The following NTM variants were observed in gnomAD, a reference collection of about 807,000 sequenced individuals.
The protein encoded by NTM is neurotrimin.
In NTM, 13 loss-of-function variants were observed where a neutral mutation model predicts 42.1. The ratio of observed to expected loss-of-function variants is 0.31; its 90% CI spans 0.20 to 0.49. The LOEUF is 0.49. NTM is among the 20% of genes least tolerant of loss of function. NTM has a pLI of 0.99. For synonymous variants in NTM, 187 were observed against 179.2 expected (o/e 1.04, Z -0.35); for missense variants, 373 against 452.8 (o/e 0.82, Z 1.60).
At chr11:131,994,648 C>T (rs1239996935) in intron 2 of NTM, among the ~76,000 whole-genome samples, 2 of 151,950 alleles carry the variant, frequency 1.3e-5, no homozygotes, top group East Asian at 3.9e-4. Flanking sequence ...GCACACTAGC[C>T]TCCTGTGGCT....
At position 131,816,655 on chromosome 11, in the gene NTM, C is replaced by T. The variant is rs1446797619; in HGVS notation, c.83-94909C>T. Among the ~76,000 whole-genome samples the T allele has an allele frequency of 2.6e-5, 4 of 152,100 alleles. No individual in the cohort carries two copies. In the East Asian group the frequency reaches 5.8e-4, roughly 22 times the overall value. ...CAAATCGTACACCTCTATAACAACC[C>T]TGCTGGATTAGAATTAGATCCCACT... On this transcript the variant is annotated intron_variant, in intron 1 of 8. Transcript: ENST00000683400.
At chr11:132,190,055 T>A (rs1469701760) in intron 3 of NTM, among the ~76,000 whole-genome samples, 1 of 152,214 alleles carries the variant, frequency 6.6e-6, no homozygotes, top group Non-Finnish European at 1.5e-5. Flanking sequence ...AGGAATAAAT[T>A]AATTCTGGCC....
At chr11:132,293,547 A>T (rs2094520725) in intron 4 of NTM, among the ~76,000 whole-genome samples, 1 of 152,154 alleles carries the variant, frequency 6.6e-6, no homozygotes, top group African/African-American at 2.4e-5. Context: ...TATATGAAAC[A>T]GCGGGTGTGA....
chr11:131,538,672 G>A (rs764768774), intron 1 of NTM: 14 of 152,206 alleles, frequency 9.2e-5, no homozygotes, highest in Admixed American at 5.2e-4. Flanking sequence ...GGATAAACAC[G>A]AAGCAGTAAG....
chr11:131,610,554 G>C (rs547638688), intron 1 of NTM, among the ~76,000 whole-genome samples: 2 of 152,194 alleles, frequency 1.3e-5, no homozygotes, highest in Non-Finnish European at 2.9e-5. Context: ...GGAGAGCTTG[G>C]TTTTAACACA....
intron 1 of NTM, among the ~76,000 whole-genome samples, chr11:131,391,588 T>C (rs1321728715): frequency 1.3e-5 from 2 of 149,408 alleles, no homozygotes; most frequent in Non-Finnish European, 3.0e-5. Context: ...TTTTTTTTTT[T>C]TTTTCTGTCC....
intron 4 of NTM, among the ~76,000 whole-genome samples, chr11:132,223,923 C>T (rs1490321811): frequency 2.6e-5 from 4 of 152,140 alleles, no homozygotes; most frequent in Admixed American, 6.5e-5. Context: ...TCACAAGGAG[C>T]GTTGCAGTCA....
intron 2 of NTM, among the ~76,000 whole-genome samples, chr11:131,916,785 A>G (rs778836934): frequency 2.6e-5 from 4 of 152,174 alleles, no homozygotes; most frequent in Non-Finnish European, 5.9e-5. Flanking sequence ...TGCCAATAAA[A>G]TCCGAAGGAC....
intron 1 of NTM, chr11:131,795,780 C>G (rs2091483897): frequency 3.0e-6 from 3 of 985,296 alleles, no homozygotes; most frequent in Non-Finnish European, 3.6e-6. Flanking sequence ...GAGCAGTTGA[C>G]TGGGGTTGGG....
At chr11:131,843,619 A>G (rs2136703873) in intron 1 of NTM, among the ~76,000 whole-genome samples, 1 of 152,368 alleles carries the variant, frequency 6.6e-6, no homozygotes, top group South Asian at 2.1e-4. Context: ...AGGGTAGGAT[A>G]AAAGCACCTT....
rs1446801058 is a variant in NTM at position 131,424,595 on chromosome 11, C to CTTTTTT, written c.82+53711_82+53712insTTTTTT. On this transcript the variant is annotated intron_variant, in intron 1 of 8. Transcript: ENST00000683400. ...TGCTTAGTTGTTTTTTATTTCTTTT[C>CTTTTTT]TTTTCTTTTTTTTTTTTTTTTTTGG... Among the ~76,000 whole-genome samples, 100 of 39,576 alleles carry CTTTTTT rather than the reference C, an allele frequency of 2.5e-3. 4 individuals carry two copies. Among genetic ancestry groups the CTTTTTT allele is most frequent in the African/African-American group, 7.1e-3 (66 of 9,314 alleles). 26.0% of individuals were successfully genotyped at this position (39,576 alleles called of 152,430 possible).
At chr11:131,701,077 C>A (rs1329381631) in intron 1 of NTM, among the ~76,000 whole-genome samples, 3 of 152,170 alleles carry the variant, frequency 2.0e-5, no homozygotes, top group Non-Finnish European at 2.9e-5. Flanking sequence ...TAAAATATTT[C>A]TTTGTCTTTC....
chr11:131,394,906 AG>A (rs1419615320), intron 1 of NTM, among the ~76,000 whole-genome samples: 1 of 152,244 alleles, frequency 6.6e-6, no homozygotes, highest in Non-Finnish European at 1.5e-5. Context: ...CAGTAAATAA[AG>A]CAGGTGAAAC....
At chr11:131,420,899 T>C (rs923965473) in intron 1 of NTM, among the ~76,000 whole-genome samples, 5 of 152,196 alleles carry the variant, frequency 3.3e-5, no homozygotes, top group African/African-American at 1.2e-4. Context: ...TCCTCCATGA[T>C]GTAATGCCTC....
At chr11:131,506,558 T>G (rs370775444) in intron 1 of NTM, among the ~76,000 whole-genome samples, 116 of 152,294 alleles carry the variant, frequency 7.6e-4, no homozygotes, top group African/African-American at 2.5e-3. Context: ...CTGCTTCCAG[T>G]GCTGGCAGCC....
chr11:131,925,368 T>C (rs1051609380), intron 2 of NTM, among the ~76,000 whole-genome samples: 11 of 150,510 alleles, frequency 7.3e-5, no homozygotes, highest in African/African-American at 2.5e-4. Flanking sequence ...TTCCTTTTTT[T>C]TTTCTTTCTT....
intron 2 of NTM, among the ~76,000 whole-genome samples, chr11:131,975,841 A>T (rs1192977450): frequency 6.6e-6 from 1 of 152,136 alleles, no homozygotes; most frequent in Non-Finnish European, 1.5e-5. Context: ...CAGGAAAGGG[A>T]AAACATTCTG....
At chr11:131,405,701 A>G (rs985263452) in intron 1 of NTM, among the ~76,000 whole-genome samples, 1 of 152,158 alleles carries the variant, frequency 6.6e-6, no homozygotes, top group African/African-American at 2.4e-5. Flanking sequence ...TTCCAAGCAT[A>G]CATCCAATTT....
intron 1 of NTM, among the ~76,000 whole-genome samples, chr11:131,766,098 C>A (rs2135859976): frequency 6.6e-6 from 1 of 152,256 alleles, no homozygotes; most frequent in East Asian, 1.9e-4. Context: ...AGGTCCCATA[C>A]TCTTGTCTTT....
Sources: allele counts gnomAD v4.1 joint callset (sites outside exome capture counted in the v4.1 genomes callset), GRCh38; gene constraint gnomAD v4.1.1; transcripts MANE v1.5; gene names NCBI Gene and HGNC (gene_info 2026-07-23, HGNC 2026-07-21).